MYO5A: variants seen among roughly 807,000 people sequenced by gnomAD.
The protein encoded by MYO5A is unconventional myosin-Va.
In MYO5A, 98 loss-of-function variants were observed where a neutral mutation model predicts 249.7. The observed-to-expected ratio is 0.39, with a 90% CI of 0.33 to 0.46. MYO5A has a LOEUF of 0.46. Among genes scored for constraint, MYO5A ranks in the 20% least tolerant of loss-of-function variants. The probability of loss-of-function intolerance (pLI) is 0.98; values close to 1 mark genes in which losing one functional copy is unlikely to be tolerated. For missense variants in MYO5A, 1,696 were observed against 2,308.8 expected, an observed-to-expected ratio of 0.73 and a Z score of 5.44; for synonymous variants, 778 against 810.6, an observed-to-expected ratio of 0.96 and a Z score of 0.68.
chr15:52,398,596 C>A (rs2042590626), intron 9 of MYO5A, among the ~76,000 whole-genome samples: 1 of 152,316 alleles, frequency 6.6e-6, no homozygotes, highest in African/African-American at 2.4e-5. Flanking sequence ...CCCCTTTCTC[C>A]CAAGTAATCA....
intron 1 of MYO5A, among the ~76,000 whole-genome samples, chr15:52,528,102 A>G (rs1170545153): frequency 2.0e-5 from 3 of 152,154 alleles, no homozygotes; most frequent in African/African-American, 7.2e-5. Context: ...CTTGCCCCAG[A>G]GGATGGTAAA....
At chr15:52,477,096 T>C (rs1027927911) in intron 1 of MYO5A, among the ~76,000 whole-genome samples, 1 of 152,252 alleles carries the variant, frequency 6.6e-6, no homozygotes, top group Non-Finnish European at 1.5e-5. Flanking sequence ...CATTTCTTTT[T>C]ACTCTTTTTT....
At chr15:52,368,630 C>T (rs946630885) in intron 22 of MYO5A, among the ~76,000 whole-genome samples, 2 of 152,114 alleles carry the variant, frequency 1.3e-5, no homozygotes, top group Non-Finnish European at 2.9e-5. Context: ...TGGGGCCAGG[C>T]GCAGTGGCTC....
At chr15:52,320,524 G>A (rs144940306) in intron 38 of MYO5A, among the ~76,000 whole-genome samples, 5 of 152,142 alleles carry the variant, frequency 3.3e-5, no homozygotes, top group South Asian at 2.1e-4. Context: ...CTTTAATGAC[G>A]TTTTAAGGGA....
intron 1 of MYO5A, among the ~76,000 whole-genome samples, chr15:52,517,622 T>C (rs1191780083): frequency 2.0e-5 from 3 of 152,070 alleles, no homozygotes; most frequent in African/African-American, 7.2e-5. Context: ...GAGGCAGAGG[T>C]ATTACTTGAA....
At chr15:52,428,310 G>C (rs576145095) in intron 3 of MYO5A, 88 bp downstream of exon 3, 13 of 1,378,354 alleles carry the variant, frequency 9.4e-6, no homozygotes, top group East Asian at 4.6e-5. Context: ...TCCAACCACA[G>C]CCTGCTTTCC....
chr15:52,446,710 C>T (rs969923945), intron 1 of MYO5A, among the ~76,000 whole-genome samples: 1 of 152,216 alleles, frequency 6.6e-6, no homozygotes, highest in Non-Finnish European at 1.5e-5. Context: ...CCTACAAAGC[C>T]ACAGACAAAG....
intron 37 of MYO5A, among the ~76,000 whole-genome samples, chr15:52,322,765 CTT>C (rs532700706): frequency 1.4e-5 from 2 of 144,472 alleles, no homozygotes; most frequent in Admixed American, 6.9e-5. Flanking sequence ...TTTGATCACC[CTT>C]TTTTTTTTTA....
At chr15:52,524,118 TTTGCAAATG>T (rs2077682186) in intron 1 of MYO5A, among the ~76,000 whole-genome samples, 1 of 152,226 alleles carries the variant, frequency 6.6e-6, no homozygotes. Context: ...GTTAACATGC[TTTGCAAATG>T]TGGAATTTTA....
At chr15:52,330,027 TTC>T (rs1181656815) in intron 35 of MYO5A, among the ~76,000 whole-genome samples, 2 of 151,060 alleles carry the variant, frequency 1.3e-5, no homozygotes, top group Non-Finnish European at 2.9e-5. Context: ...TGCCAGGCTC[TTC>T]TCTCTAGAGA....
At chr15:52,516,326 T>C (rs1165808642) in intron 1 of MYO5A, among the ~76,000 whole-genome samples, 1 of 152,194 alleles carries the variant, frequency 6.6e-6, no homozygotes. Context: ...CAGTAAATAT[T>C]AATCACTATT....
intron 2 of MYO5A, among the ~76,000 whole-genome samples, chr15:52,431,726 C>T (rs977469658): frequency 1.3e-5 from 2 of 151,552 alleles, no homozygotes; most frequent in African/African-American, 4.8e-5. Context: ...TGGCTCATGC[C>T]TATAATCCCA....
intron 37 of MYO5A, among the ~76,000 whole-genome samples, chr15:52,322,277 G>A (rs1395131597): frequency 2.6e-5 from 4 of 152,210 alleles, no homozygotes; most frequent in African/African-American, 9.7e-5. Context: ...TGGTCTGTTG[G>A]CCCCATCTTC....
chr15:52,381,336 TC>T (rs2041729540), intron 16 of MYO5A, among the ~76,000 whole-genome samples: 1 of 152,088 alleles, frequency 6.6e-6, no homozygotes, highest in Non-Finnish European at 1.5e-5. Context: ...AAGACAGCAG[TC>T]CTTCAGAACT....
intron 2 of MYO5A, among the ~76,000 whole-genome samples, chr15:52,431,037 G>A (rs112823344): frequency 8.6e-5 from 13 of 151,222 alleles, no homozygotes; most frequent in African/African-American, 1.9e-4. Context: ...TTTGAGACCC[G>A]CCTGGCCAAC....
intron 1 of MYO5A, among the ~76,000 whole-genome samples, chr15:52,442,592 T>C (rs796506366): frequency 2.6e-5 from 4 of 152,230 alleles, no homozygotes; most frequent in African/African-American, 9.6e-5. Context: ...TTTACATGTA[T>C]AATTTCATTC....
upstream of MYO5A, chr15:52,528,903 C>A (rs532569377): frequency 3.1e-5 from 38 of 1,217,020 alleles, no homozygotes; most frequent in Non-Finnish European, 3.9e-5. Flanking sequence ...CAGCCGCCGG[C>A]AGGGAGCAGG....
chr15:52,485,442 A>G (rs1476443191), intron 1 of MYO5A, among the ~76,000 whole-genome samples: 1 of 152,178 alleles, frequency 6.6e-6, no homozygotes, highest in Non-Finnish European at 1.5e-5. Flanking sequence ...AGCCTAAGTC[A>G]GTTGATCTCT....
At position 52,366,998 on chromosome 15, in the gene MYO5A, T is replaced by C. The variant is rs748337215; in HGVS notation, c.3160+33A>G. 5.3e-6 allele frequency: 8 copies of C among 1,521,320 alleles called. No homozygotes were observed. In the South Asian group the frequency reaches 9.0e-5, roughly 17 times the overall value. The allele number at this position is 1,521,320 out of a possible 1,614,324, so 94.2% of individuals were successfully genotyped here. ...TAACTTACATAACTTTGGTGTGAGG[T>C]TGGTTGGCGTGTAGTACGCATATAA... On this transcript the variant is annotated intron_variant, in intron 23 of 41. Coordinates refer to ENST00000399233, the MANE Select transcript of MYO5A (RefSeq NM_001382347.1).
Sources: allele counts gnomAD v4.1 joint callset (sites outside exome capture counted in the v4.1 genomes callset), GRCh38; gene constraint gnomAD v4.1.1; transcripts MANE v1.5; gene names NCBI Gene and HGNC (gene_info 2026-07-23, HGNC 2026-07-21).